Variants in KDM1A observed in about 807,000 individuals in gnomAD.
KDM1A encodes lysine demethylase 1A.
In KDM1A, 49 loss-of-function variants were observed where a neutral mutation model predicts 109.4. That is an observed-to-expected ratio of 0.45 (90% CI 0.36 to 0.57). The LOEUF (loss-of-function observed/expected upper bound fraction) is 0.57, where lower values mean the gene tolerates loss of function less well. Ranked by LOEUF, KDM1A falls within the 20% of genes least tolerant of loss-of-function variation. The pLI, the probability that KDM1A is intolerant of heterozygous loss-of-function variation, is 0.00. For synonymous variants in KDM1A, 380 were observed against 415.4 expected (o/e 0.91, Z 1.04); for missense variants, 668 against 1,116.6 (o/e 0.60, Z 5.73).
chr1:23,037,129 TACACACACACAC>T (rs59175262), intron 2 of KDM1A, among the ~76,000 whole-genome samples: 2 of 147,636 alleles, frequency 1.4e-5, no homozygotes, highest in Admixed American at 6.8e-5. Flanking sequence ...AAAATATATA[TACACACACACAC>T]ACACACACAC....
intron 9 of KDM1A, among the ~76,000 whole-genome samples, chr1:23,060,470 C>T (rs1415706175): frequency 2.0e-5 from 3 of 151,960 alleles, no homozygotes; most frequent in African/African-American, 7.3e-5. Flanking sequence ...ATATTAATAC[C>T]AGTAACATAA....
At chr1:23,030,736 T>C (rs1641956362) in intron 2 of KDM1A, 102 bp downstream of exon 2, 1 of 1,258,266 alleles carries the variant, frequency 7.9e-7, no homozygotes, top group Non-Finnish European at 1.1e-6. Context: ...ATCTTTGGTT[T>C]ATAATAAAGT....
At chr1:23,068,248 G>A (rs1367026088) in intron 10 of KDM1A, among the ~76,000 whole-genome samples, 1 of 152,180 alleles carries the variant, frequency 6.6e-6, no homozygotes, top group East Asian at 1.9e-4. Flanking sequence ...TGTGCTCCAT[G>A]TGACTTCAGT....
At chr1:23,048,335 T>C (rs888231353) in intron 3 of KDM1A, among the ~76,000 whole-genome samples, 2 of 152,240 alleles carry the variant, frequency 1.3e-5, no homozygotes, top group African/African-American at 4.8e-5. Flanking sequence ...TTCACATTAC[T>C]GAAATAAACT....
chr1:23,068,221 G>C (rs1163871685), intron 10 of KDM1A, among the ~76,000 whole-genome samples: 1 of 152,146 alleles, frequency 6.6e-6, no homozygotes, highest in East Asian at 1.9e-4. Flanking sequence ...CTTAATGCAT[G>C]TCAGCTCAGT....
intron 8 of KDM1A, among the ~76,000 whole-genome samples, chr1:23,058,390 T>C (rs1439467027): frequency 6.6e-6 from 1 of 152,218 alleles, no homozygotes; most frequent in African/African-American, 2.4e-5. Context: ...AAACTAGCTT[T>C]TGAACAAGCT....
chr1:23,064,602 G>A lies in KDM1A; in HGVS notation c.1168-1458G>A, dbSNP rs111770938. ...TACAATGTTTCTGAAGACCTAAAGA[G>A]CTTGTTAGAATGATACCAGAGGTAG... On this transcript the variant is annotated intron_variant, in intron 9 of 20. Coordinates refer to ENST00000400181, the MANE Select transcript of KDM1A (RefSeq NM_001009999.3). 1.8e-3 allele frequency among the ~76,000 whole-genome samples: 269 copies of A among 152,310 alleles called. 2 individuals carry two copies. Among genetic ancestry groups the A allele is most frequent in the African/African-American group, 6.1e-3 (253 of 41,578 alleles).
intron 9 of KDM1A, among the ~76,000 whole-genome samples, chr1:23,063,198 G>GGA (rs201069091): frequency 1.4e-5 from 1 of 70,310 alleles, no homozygotes; most frequent in Admixed American, 1.3e-4. Context: ...TGTAGCATTG[G>GGA]GGGGGGGGTG....
At position 23,057,466 on chromosome 1, in the gene KDM1A, A is replaced by G. The variant is rs774054999; in HGVS notation, c.991-18A>G. 3 of 1,604,588 alleles carry G rather than the reference A, an allele frequency of 1.9e-6. No individual in the cohort carries two copies. The East Asian group carries it at 6.7e-5, about 36-fold the overall frequency. On this transcript the variant is annotated intron_variant, in intron 7 of 20. Coordinates refer to ENST00000400181, the MANE Select transcript of KDM1A (RefSeq NM_001009999.3). ...TAAAACAGAATTGATGATTTTGGCTACTTAATTTCTGAAACAGGATCGTGT... is the reference window on the plus strand; with the variant it reads ...TAAAACAGAATTGATGATTTTGGCTGCTTAATTTCTGAAACAGGATCGTGT...
At chr1:23,063,342 A>T (rs1488280113) in intron 9 of KDM1A, among the ~76,000 whole-genome samples, 1 of 151,934 alleles carries the variant, frequency 6.6e-6, no homozygotes, top group Non-Finnish European at 1.5e-5. Context: ...GTTAAGAGAA[A>T]GAATGACAGA....
At chr1:23,070,627 T>A (rs1303280217) in intron 12 of KDM1A, among the ~76,000 whole-genome samples, 1 of 151,938 alleles carries the variant, frequency 6.6e-6, no homozygotes, top group Non-Finnish European at 1.5e-5. Flanking sequence ...GCTAACATGG[T>A]GAAACCCCAT....
chr1:23,070,204 G>A (rs1001609853), intron 12 of KDM1A, among the ~76,000 whole-genome samples: 3 of 152,230 alleles, frequency 2.0e-5, no homozygotes. Flanking sequence ...AGGCACAGTG[G>A]CTTATGCCTA....
At position 23,059,178 on chromosome 1, in the gene KDM1A, G is replaced by C. The variant is rs370734478; in HGVS notation, c.1167+11G>C. 45 of 1,603,996 alleles carry C rather than the reference G, an allele frequency of 2.8e-5. No homozygotes were observed. Among genetic ancestry groups the C allele is most frequent in the Non-Finnish European group, 3.6e-5 (42 of 1,173,242 alleles). The stretch of plus-strand genomic sequence containing the variant: ...GCCAACGGACAAGCTGTAAGTCGAG[G>C]ACAAACAGAACTTTCAACATTTCTT... On this transcript the variant is annotated intron_variant, in intron 9 of 20. Transcript: ENST00000400181.
chr1:23,044,506 C>T lies in KDM1A; in HGVS notation c.577+20C>T. On this transcript the variant is annotated intron_variant, in intron 3 of 20. Coordinates refer to ENST00000400181, the MANE Select transcript of KDM1A (RefSeq NM_001009999.3). ...CATCAGGTGAGGGTGGCATTAGATG[C>T]TTGCCACTTAGTAGCAAGAGCCGCC... The T allele has an allele frequency of 1.3e-6, 2 of 1,587,350 alleles. No individual in the cohort carries two copies. Among genetic ancestry groups the T allele is most frequent in the Non-Finnish European group, 1.7e-6 (2 of 1,168,964 alleles).
intron 9 of KDM1A, among the ~76,000 whole-genome samples, chr1:23,064,151 A>G (rs2294517): frequency 0.8 from 122,475 of 152,208 alleles, 49,674 homozygotes; most frequent in Non-Finnish European, 0.83. Context: ...AGCCTCCCAC[A>G]GTGCTGGGAT....
intron 9 of KDM1A, among the ~76,000 whole-genome samples, chr1:23,062,342 C>T (rs1643024030): frequency 6.6e-6 from 1 of 152,146 alleles, no homozygotes; most frequent in Admixed American, 6.5e-5. Flanking sequence ...GCAAGGCCTA[C>T]CTAAAGTAAA....
chr1:23,073,874 C>T (rs1456888350), intron 15 of KDM1A, among the ~76,000 whole-genome samples: 1 of 152,104 alleles, frequency 6.6e-6, no homozygotes, highest in East Asian at 1.9e-4. Flanking sequence ...AATAGAATTC[C>T]ATTGTGTGGA....
Sources: gnomAD v4.1 joint callset for allele counts (sites outside exome capture counted in the v4.1 genomes callset) on GRCh38, gnomAD v4.1.1 for gene constraint, MANE v1.5 for transcripts, NCBI Gene and HGNC (gene_info 2026-07-23, HGNC 2026-07-21) for gene names.